The following RTBDN variants were observed in gnomAD, a reference collection of about 807,000 sequenced individuals.
RTBDN encodes retbindin.
Under a neutral mutation model 21.9 loss-of-function variants are expected in RTBDN, and 24 were observed. The ratio of observed to expected loss-of-function variants is 1.10; its 90% CI spans 0.79 to 1.54. The LOEUF (loss-of-function observed/expected upper bound fraction) is 1.54, where lower values mean the gene tolerates loss of function less well. RTBDN is among the 40% of genes most tolerant of loss of function. The pLI, the probability that RTBDN is intolerant of heterozygous loss-of-function variation, is 0.00. For missense variants in RTBDN, 325 were observed against 315.2 expected, an observed-to-expected ratio of 1.03 and a Z score of -0.23; for synonymous variants, 141 against 125.9, an observed-to-expected ratio of 1.12 and a Z score of -0.80.
chr19:12,826,586 C>A, intron 5 of RTBDN, 189 bp downstream of exon 5: 1 of 697,620 alleles, frequency 1.4e-6, no homozygotes, highest in Non-Finnish European at 2.3e-6. Context: ...CCCAGCTATT[C>A]GGGAGGTTGC....
At chr19:12,831,947 T>C (rs1321364433) in intron 1 of RTBDN, among the ~76,000 whole-genome samples, 1 of 152,216 alleles carries the variant, frequency 6.6e-6, no homozygotes, top group African/African-American at 2.4e-5. Context: ...AGTGTTTATA[T>C]GTGTTGTTTG....
intron 5 of RTBDN, 49 bp downstream of exon 5, chr19:12,826,726 G>T: frequency 1.8e-6 from 2 of 1,084,556 alleles, no homozygotes; most frequent in Non-Finnish European, 2.7e-6. Context: ...TAAATAACTT[G>T]GTGGGGAGGA....
chr19:12,832,114 T>C (rs905696913), intron 1 of RTBDN, among the ~76,000 whole-genome samples: 1 of 152,200 alleles, frequency 6.6e-6, no homozygotes, highest in Non-Finnish European at 1.5e-5. Flanking sequence ...ATTTGCAGAA[T>C]GTGTGGGTCT....
upstream of RTBDN, chr19:12,835,343 G>T: frequency 1.9e-6 from 1 of 532,730 alleles, no homozygotes; most frequent in Non-Finnish European, 3.4e-6. Flanking sequence ...GGTTAGGAGA[G>T]TGGGTTCCGA....
At chr19:12,829,039 G>A (rs748434154) in intron 2 of RTBDN, 86 bp from the exon 3 acceptor site, 1 of 1,571,342 alleles carries the variant, frequency 6.4e-7, no homozygotes, top group Non-Finnish European at 8.7e-7. Flanking sequence ...CTGGACAGGG[G>A]AGACAACAAT....
intron 5 of RTBDN, chr19:12,826,460 G>T (rs1213842940): frequency 8.6e-7 from 1 of 1,163,900 alleles, no homozygotes; most frequent in South Asian, 1.6e-5. Context: ...TTGGGAGGCC[G>T]AGGTGGGCGG....
intron 2 of RTBDN, among the ~76,000 whole-genome samples, chr19:12,829,567 T>G (rs961977039): frequency 1.7e-4 from 26 of 152,212 alleles, no homozygotes; most frequent in African/African-American, 6.3e-4. Flanking sequence ...TCTCTCTTTT[T>G]GGGGGTCCAT....
intron 1 of RTBDN, among the ~76,000 whole-genome samples, chr19:12,832,209 C>T (rs1227680290): frequency 3.3e-5 from 5 of 152,124 alleles, no homozygotes; most frequent in African/African-American, 7.2e-5. Context: ...TGTGAGTGTT[C>T]GTGTGCCTCT....
intron 5 of RTBDN, chr19:12,826,152 TG>T: frequency 7.4e-7 from 1 of 1,353,634 alleles, no homozygotes; most frequent in Non-Finnish European, 9.5e-7. Flanking sequence ...TTGGGGCAGT[TG>T]GGGGGCGCGC....
At chr19:12,827,453 G>C (rs2145847616) in intron 4 of RTBDN, among the ~76,000 whole-genome samples, 1 of 151,028 alleles carries the variant, frequency 6.6e-6, no homozygotes, top group East Asian at 2.0e-4. Context: ...CTCCCGAGTA[G>C]CTGGGATTAC....
Position 12,828,916 on chromosome 19 carries a change from T to C in RTBDN, c.207A>G (p.Thr69=), listed in dbSNP as rs1332495356. ...CCPSEMDTTE[T]SGPGNHPERC... is the part of the protein sequence containing the mutation. ...GTTCTGGATGGTTTCCAGGGCCCGA[T>C]GTCTCTGTTGTGTCCATCTCTGAGG... Residue 69 remains threonine (T), a synonymous_variant, in exon 3 of 6, where the codon ACA becomes ACG. Transcript: ENST00000674343. 1 of 1,614,074 alleles carries C rather than the reference T, an allele frequency of 6.2e-7. No individual in the cohort carries two copies. Among genetic ancestry groups the C allele is most frequent in the African/African-American group, 1.3e-5 (1 of 74,940 alleles).
chr19:12,826,529 A>G, intron 5 of RTBDN: 1 of 768,800 alleles, frequency 1.3e-6, no homozygotes, highest in Non-Finnish European at 1.9e-6. Context: ...CGCTGACTCT[A>G]CTAAAAATAC....
chr19:12,830,344 A>G lies in RTBDN; in HGVS notation c.-18-347T>C. ...TGAAGGGGACCTCCCTAGGTCTTCC[A>G]ATCCCCCTCTCCTGTTCAGTAATTC... On this transcript the variant is annotated intron_variant, in intron 1 of 5. Transcript: ENST00000674343. This position sits in a 1 kb window ranked among gnomAD's most constrained non-coding sequence, Gnocchi z 4.2. The G allele has an allele frequency of 1.9e-6, 2 of 1,030,914 alleles. No homozygotes were observed. Among genetic ancestry groups the G allele is most frequent in the Non-Finnish European group, 2.3e-6 (2 of 859,050 alleles). The allele number at this position is 1,030,914 out of a possible 1,614,324, so 63.9% of individuals were successfully genotyped here.
upstream of RTBDN, chr19:12,834,917 A>C (rs1969705155): frequency 6.3e-6 from 10 of 1,578,360 alleles, no homozygotes; most frequent in Non-Finnish European, 8.7e-6. This position sits in a 1 kb window ranked among gnomAD's most constrained non-coding sequence, Gnocchi z 4.7. Context: ...GGGGAAGGTG[A>C]TGATATCTGT....
chr19:12,828,680 G>C lies in RTBDN; in HGVS notation c.342C>G (p.Leu114=). The C allele has an allele frequency of 1.9e-6, 3 of 1,614,046 alleles. No individual in the cohort carries two copies. Among genetic ancestry groups the C allele is most frequent in the Non-Finnish European group, 2.5e-6 (3 of 1,179,970 alleles). ...ACCAGGCCTGGCAGAGCTCCTCGCA[G>C]AGCGGCTGTGCCTGGCGTACCCCCA... The part of the protein sequence containing the change: ...RLLGVRQAQP[L]CEELCQAWFA... Residue 114 remains leucine (L), a synonymous_variant, in exon 4 of 6, where the codon CTC becomes CTG. Coordinates refer to ENST00000674343, the MANE Select transcript of RTBDN (RefSeq NM_001270441.2).
chr19:12,827,651 T>C (rs1969368344), intron 4 of RTBDN, among the ~76,000 whole-genome samples: 1 of 152,126 alleles, frequency 6.6e-6, no homozygotes, highest in African/African-American at 2.4e-5. Context: ...AAATTTTTTG[T>C]TGAGACTGGG....
chr19:12,835,126 C>T, upstream of RTBDN: 1 of 1,612,290 alleles, frequency 6.2e-7, no homozygotes, highest in Non-Finnish European at 8.5e-7. Context: ...CCATCATTCC[C>T]GAGGTTGAAG....
At chr19:12,826,004 G>GAA (rs529416247) in intron 5 of RTBDN, 71 bp from the exon 6 acceptor site, 70 of 1,462,496 alleles carry the variant, frequency 4.8e-5, no homozygotes, top group Non-Finnish European at 6.2e-5. Context: ...CTCGGGAAGG[G>GAA]AAAAATGTGT....
chr19:12,826,597 G>A (rs1470313428), intron 5 of RTBDN, 178 bp downstream of exon 5: 8 of 700,590 alleles, frequency 1.1e-5, no homozygotes, highest in South Asian at 3.8e-5. Context: ...GGGAGGTTGC[G>A]GCAGGAGAAT....
Sources: gnomAD v4.1 joint callset for allele counts (sites outside exome capture counted in the v4.1 genomes callset) on GRCh38, gnomAD v4.1.1 for gene constraint, Gnocchi (gnomAD v3.1) non-coding constraint, MANE v1.5 for transcripts, NCBI Gene and HGNC (gene_info 2026-07-23, HGNC 2026-07-21) for gene names.